Variants in MCTP2 observed in about 807,000 individuals in gnomAD.
MCTP2 encodes multiple C2 and transmembrane domain-containing protein 2.
In MCTP2, 132 loss-of-function variants were observed where a neutral mutation model predicts 111.6. The observed-to-expected ratio is 1.18, with a 90% CI of 1.03 to 1.37. The LOEUF is 1.37. Ranked by LOEUF, MCTP2 falls within the 40% of genes most tolerant of loss-of-function variation. The pLI, the probability that MCTP2 is intolerant of heterozygous loss-of-function variation, is 0.00. For missense variants in MCTP2, 1,183 were observed against 1,067.9 expected (o/e 1.11, Z -1.50); for synonymous variants, 395 against 387.7 (o/e 1.02, Z -0.22).
intron 19 of MCTP2, among the ~76,000 whole-genome samples, chr15:94,447,474 A>T (rs144842789): frequency 1.3e-3 from 199 of 152,284 alleles, no homozygotes; most frequent in African/African-American, 4.6e-3. Flanking sequence ...GGCTCAGTGC[A>T]ATCTCTGCCT....
Position 94,348,970 on chromosome 15 carries a change from T to C in MCTP2, c.1005+3806T>C, listed in dbSNP as rs1460284548. 1.3e-5 allele frequency among the ~76,000 whole-genome samples: 2 copies of C among 152,082 alleles called. 1 individual carries two copies. The highest frequency in any genetic ancestry group is 4.1e-4 in the South Asian group (2 of 4,828). On this transcript the variant is annotated intron_variant, in intron 8 of 22. Transcript: ENST00000357742. Reference sequence around the variant, plus strand: ...TCTATGTGCTTATTGTACACCTACCTCTATCTGCTTGTCTGTTTTCCATCT... The same window carrying C: ...TCTATGTGCTTATTGTACACCTACCCCTATCTGCTTGTCTGTTTTCCATCT...
chr15:94,311,501 T>C (rs994444504), intron 2 of MCTP2, among the ~76,000 whole-genome samples: 1 of 152,210 alleles, frequency 6.6e-6, no homozygotes, highest in African/African-American at 2.4e-5. Flanking sequence ...ACAGGCACTA[T>C]GCAAGAGTGT....
chr15:94,444,905 G>A (rs998818473), intron 19 of MCTP2, among the ~76,000 whole-genome samples: 1 of 152,154 alleles, frequency 6.6e-6, no homozygotes, highest in Non-Finnish European at 1.5e-5. Context: ...CGGTGACCAT[G>A]TATCTTTGGC....
At chr15:94,370,316 A>G (rs994683614) in intron 12 of MCTP2, 136 bp downstream of exon 12, 2 of 592,826 alleles carry the variant, frequency 3.4e-6, no homozygotes, top group African/African-American at 1.9e-5. Context: ...TCATAGCAAA[A>G]AAGAGGCAGA....
intron 10 of MCTP2, among the ~76,000 whole-genome samples, chr15:94,362,345 G>C (rs1385681905): frequency 1.3e-5 from 2 of 152,042 alleles, no homozygotes; most frequent in Non-Finnish European, 2.9e-5. Flanking sequence ...TATTTCAAGG[G>C]GATTCTACAG....
chr15:94,371,143 T>C (rs1031960032), intron 12 of MCTP2, among the ~76,000 whole-genome samples: 2 of 151,830 alleles, frequency 1.3e-5, no homozygotes, highest in Non-Finnish European at 2.9e-5. Context: ...AAAAAAGTTC[T>C]CCTCACCCTG....
intron 17 of MCTP2, chr15:94,403,100 T>TG: frequency 3.0e-6 from 3 of 986,598 alleles, no homozygotes; most frequent in Non-Finnish European, 2.4e-6. Flanking sequence ...CCTTTGCCAT[T>TG]GGGGGGTATT....
intron 12 of MCTP2, among the ~76,000 whole-genome samples, chr15:94,378,758 T>C (rs1312819930): frequency 6.6e-6 from 1 of 152,136 alleles, no homozygotes; most frequent in Non-Finnish European, 1.5e-5. Flanking sequence ...GCTGAGGAAG[T>C]CATTATTTGT....
At chr15:94,466,727 T>G (rs920758891) in intron 20 of MCTP2, among the ~76,000 whole-genome samples, 1 of 152,176 alleles carries the variant, frequency 6.6e-6, no homozygotes, top group Non-Finnish European at 1.5e-5. Flanking sequence ...AAAATTGACA[T>G]TGGAGCTTAG....
Position 94,298,846 on chromosome 15 carries a change from T to TTC in MCTP2, c.465+116_465+117insTC, listed in dbSNP as rs1596298544. On this transcript the variant is annotated intron_variant, in intron 2 of 22. Transcript: ENST00000357742. ...TTCCCCCCTCCCCCTCCCTCTCTCT[T>TTC]CCCCCCTCCCCCTCCCTCTCTCTCT... The TTC allele has an allele frequency of 9.8e-5, 16 of 163,536 alleles. No individual in the cohort carries two copies. In the East Asian group the frequency reaches 1.8e-3, roughly 18 times the overall value. 10.1% of individuals were successfully genotyped at this position (163,536 alleles called of 1,614,324 possible).
intron 18 of MCTP2, 131 bp downstream of exon 18, chr15:94,440,429 A>C: frequency 9.4e-7 from 1 of 1,062,812 alleles, no homozygotes; most frequent in Non-Finnish European, 1.4e-6. Flanking sequence ...AAAGGCACTC[A>C]TTTTGCAGTG....
intron 19 of MCTP2, among the ~76,000 whole-genome samples, chr15:94,457,683 A>G (rs970073366): frequency 1.3e-5 from 2 of 152,218 alleles, no homozygotes; most frequent in African/African-American, 4.8e-5. Context: ...GAGTTTGACT[A>G]AGATGCTCCA....
chr15:94,436,170 A>G (rs1196815169), intron 17 of MCTP2, among the ~76,000 whole-genome samples: 1 of 152,126 alleles, frequency 6.6e-6, no homozygotes, highest in Non-Finnish European at 1.5e-5. Flanking sequence ...CCCTGAGTGC[A>G]TTCCCGTTTC....
chr15:94,471,599 A>T (rs907356555), intron 21 of MCTP2, among the ~76,000 whole-genome samples: 3 of 152,022 alleles, frequency 2.0e-5, no homozygotes, highest in Admixed American at 6.6e-5. Context: ...CTATTCAGGG[A>T]TCTATTTTAA....
chr15:94,455,812 T>A (rs953667683), intron 19 of MCTP2, among the ~76,000 whole-genome samples: 1 of 152,166 alleles, frequency 6.6e-6, no homozygotes, highest in Non-Finnish European at 1.5e-5. Context: ...TAATAACAAT[T>A]TCGTGCAATA....
rs1380338365 is a variant in MCTP2 at position 94,272,075 on chromosome 15, G to A, written c.-65-26126G>A. On this transcript the variant is annotated intron_variant, in intron 1 of 22. Coordinates refer to ENST00000357742, the MANE Select transcript of MCTP2 (RefSeq NM_001385001.1). ...GGTGATAATGTTAGGCAGGACCTTT[G>A]AAGTTTAATGGTTGTGTTCTAATGT... 2.0e-5 allele frequency among the ~76,000 whole-genome samples: 3 copies of A among 152,178 alleles called. No individual in the cohort carries two copies. In the East Asian group the frequency reaches 5.8e-4, roughly 29 times the overall value.
At chr15:94,350,065 A>G (rs11630899) in intron 8 of MCTP2, among the ~76,000 whole-genome samples, 28,390 of 152,170 alleles carry the variant, frequency 0.19, 2,933 homozygotes, top group East Asian at 0.31. Context: ...AATGAGGTGC[A>G]GCCATCTTTG....
At chr15:94,349,995 ATGG>A (rs1470385186) in intron 8 of MCTP2, among the ~76,000 whole-genome samples, 1 of 152,204 alleles carries the variant, frequency 6.6e-6, no homozygotes, top group Non-Finnish European at 1.5e-5. Context: ...GCAGCTGGTA[ATGG>A]TTAGAAATCC....
At chr15:94,357,052 G>GA (rs1026260181) in intron 9 of MCTP2, among the ~76,000 whole-genome samples, 142 of 149,014 alleles carry the variant, frequency 9.5e-4, no homozygotes, top group Admixed American at 6.1e-3. Context: ...AGCCACACAG[G>GA]AAAAAAAAAA....
Sources: gnomAD v4.1 joint callset for allele counts (sites outside exome capture counted in the v4.1 genomes callset) on GRCh38, gnomAD v4.1.1 for gene constraint, MANE v1.5 for transcripts, NCBI Gene and HGNC (gene_info 2026-07-23, HGNC 2026-07-21) for gene names.